The following VCL variants were observed in gnomAD, a reference collection of about 807,000 sequenced individuals.
The protein encoded by VCL is epididymis luminal protein 114.
In VCL, 47 loss-of-function variants were observed where a neutral mutation model predicts 125.7. The observed-to-expected ratio is 0.37, with a 90% CI of 0.30 to 0.48. The LOEUF is 0.48. Among genes scored for constraint, VCL ranks in the 20% least tolerant of loss-of-function variants. The probability of loss-of-function intolerance (pLI) is 0.99; values close to 1 mark genes in which losing one functional copy is unlikely to be tolerated. For missense variants in VCL, 1,069 were observed against 1,455.5 expected (o/e 0.73, Z 4.32); for synonymous variants, 458 against 514.6 (o/e 0.89, Z 1.49).
intron 2 of VCL, among the ~76,000 whole-genome samples, chr10:74,062,867 A>G (rs975291986): frequency 3.9e-5 from 6 of 152,206 alleles, no homozygotes; most frequent in African/African-American, 1.4e-4. Flanking sequence ...CAGGAGTTCG[A>G]GACCAGCCTG....
rs138018528 is a variant in VCL at position 74,114,434 on chromosome 10, T to TGTGTGTGC, written c.3153+50_3153+51insTGTGCGTG. On this transcript the variant is annotated intron_variant, in intron 20 of 21. Coordinates refer to ENST00000211998, the MANE Select transcript of VCL (RefSeq NM_014000.3). ...GTGTGTGTGTGTGTGTGTGTGTGTGTGTGCGTGTGTGTGTGTGTTGGAGGG... is the reference window on the plus strand; with the variant it reads ...GTGTGTGTGTGTGTGTGTGTGTGTGTGTGTGTGCGTGCGTGTGTGTGTGTGTTGGAGGG... 544 of 1,468,440 alleles carry TGTGTGTGC rather than the reference T, an allele frequency of 3.7e-4. 16 individuals are homozygous for TGTGTGTGC. The African/African-American group carries it at 5.1e-3, about 14-fold the overall frequency. The allele number at this position is 1,468,440 out of a possible 1,614,324, so 91.0% of individuals were successfully genotyped here.
chr10:74,097,461 C>T lies in VCL; in HGVS notation c.1872+129C>T. 1.5e-6 allele frequency: 2 copies of T among 1,375,228 alleles called. No homozygotes were observed. The highest frequency in any genetic ancestry group is 2.0e-6 in the Non-Finnish European group (2 of 986,794). The allele number at this position is 1,375,228 out of a possible 1,614,324, so 85.2% of individuals were successfully genotyped here. ...GTAGATGAAGGGTGGAAGAGCAGAA[C>T]AGGGAAAGCCCTACCACCTCTACTT... is the stretch of plus-strand genomic sequence containing the variant. On this transcript the variant is annotated intron_variant, in intron 13 of 21. Coordinates refer to ENST00000211998, the MANE Select transcript of VCL (RefSeq NM_014000.3). The surrounding 1 kb of genome is among the most constrained non-coding windows in gnomAD (Gnocchi z 4.1).
chr10:74,072,387 C>T (rs1212133768), intron 4 of VCL, among the ~76,000 whole-genome samples: 2 of 152,058 alleles, frequency 1.3e-5, no homozygotes, highest in Non-Finnish European at 2.9e-5. Flanking sequence ...AGAGACATGG[C>T]ATGAAACCTG....
Position 74,105,223 on chromosome 10 carries a change from G to C in VCL, c.2304G>C (p.Lys768Asn), listed in dbSNP as rs1342992549. Residue 768 changes from lysine to asparagine, a missense_variant, in exon 16 of 22, where the codon AAG becomes AAC. Physicochemically the swap from Lys to Asn is moderately conservative, Grantham distance 94. This residue lies in a region of VCL where 760 missense variants were observed against 928.9 expected (regional missense o/e 0.82). Transcript: ENST00000211998. ...RRANRILLVA[K>N]REVENSEDPK... ...CCAACCGGATCCTGCTGGTGGCTAA[G>C]AGGGAGGTGGAGAATTCCGAGGATC... 6.2e-7 allele frequency: 1 copy of C among 1,614,084 alleles called. No individual in the cohort carries two copies. Among genetic ancestry groups the C allele is most frequent in the Non-Finnish European group, 8.5e-7 (1 of 1,180,044 alleles).
intron 1 of VCL, among the ~76,000 whole-genome samples, chr10:74,037,974 T>G (rs541215358): frequency 6.6e-6 from 1 of 150,780 alleles, no homozygotes; most frequent in African/African-American, 2.4e-5. Context: ...TGGCCACATT[T>G]CTTTGTTTCT....
intron 6 of VCL, among the ~76,000 whole-genome samples, chr10:74,080,672 GT>G (rs35830669): frequency 0.18 from 27,581 of 152,046 alleles, 3,530 homozygotes; most frequent in East Asian, 0.53. Context: ...TAGGAAAATG[GT>G]TTAACAGGTT....
At chr10:74,049,825 A>T (rs572959342) in intron 2 of VCL, among the ~76,000 whole-genome samples, 1 of 152,240 alleles carries the variant, frequency 6.6e-6, no homozygotes, top group African/African-American at 2.4e-5. Flanking sequence ...GTAGGTGCTA[A>T]TGTTGTAACA....
rs768613265 is a variant in VCL at position 74,105,125 on chromosome 10, A to G, written c.2206A>G (p.Lys736Glu). 9 of 1,614,236 alleles carry G rather than the reference A, an allele frequency of 5.6e-6. No individual in the cohort carries two copies. Among genetic ancestry groups the G allele is most frequent in the Non-Finnish European group, 7.6e-6 (9 of 1,180,034 alleles). ...AGAAGCAATTAAAAAAGACCTGGAC[A>G]AGTGCAAGGTAGCTATGGCCAACAT... ...SEEAIKKDLD[K>E]CKVAMANIQP... is the part of the protein sequence containing the mutation. The change falls in exon 16 of 22, where the codon AAG (lysine) becomes GAG (glutamate). Residue 736 changes from lysine to glutamate, a missense_variant. By Grantham distance (56) the Lys-to-Glu change is moderately conservative (BLOSUM62 1). Around this residue, in one of 6 missense-constraint regions of VCL, gnomAD observed 760 missense variants for 928.9 expected, o/e 0.82. Transcript: ENST00000211998.
intron 1 of VCL, among the ~76,000 whole-genome samples, chr10:74,032,354 A>G (rs1840893722): frequency 6.6e-6 from 1 of 152,108 alleles, no homozygotes; most frequent in African/African-American, 2.4e-5. Context: ...AGAAAGGGAA[A>G]GACAACCCAC....
chr10:74,114,698 C>T, intron 20 of VCL, 97 bp from the exon 21 acceptor site: 1 of 1,327,246 alleles, frequency 7.5e-7, no homozygotes, highest in Non-Finnish European at 1.1e-6. Flanking sequence ...CTTTTCTGTG[C>T]CAGCCACTGG....
At chr10:74,081,037 A>AT in intron 6 of VCL, among the ~76,000 whole-genome samples, 1 of 152,364 alleles carries the variant, frequency 6.6e-6, no homozygotes, top group South Asian at 2.1e-4. Flanking sequence ...TTACAAGTGG[A>AT]TTTTGAAATA....
chr10:74,084,089 A>G (rs980264716), intron 8 of VCL, among the ~76,000 whole-genome samples: 1 of 151,154 alleles, frequency 6.6e-6, no homozygotes, highest in African/African-American at 2.4e-5. Flanking sequence ...CTGGTCTTGA[A>G]CTCCTGACCT....
intron 1 of VCL, among the ~76,000 whole-genome samples, chr10:74,014,085 C>T (rs1474454601): frequency 2.0e-5 from 3 of 152,056 alleles, no homozygotes; most frequent in Non-Finnish European, 4.4e-5. Flanking sequence ...AGATAGACAT[C>T]TAAATTTTTA....
chr10:74,118,468 A>C lies in VCL; in HGVS notation c.*299A>C, dbSNP rs79597107. Reference sequence around the variant, plus strand: ...GGACTTCACATAAGCTCAGAATCCAAGTGAACACTAGCCAGACACTCTGCT... The same window carrying C: ...GGACTTCACATAAGCTCAGAATCCACGTGAACACTAGCCAGACACTCTGCT... On this transcript the variant is annotated 3_prime_UTR_variant, in exon 22 of 22. Transcript: ENST00000211998. 15 of 422,872 alleles carry C rather than the reference A, an allele frequency of 3.5e-5. No homozygotes were observed. The highest frequency in any genetic ancestry group is 2.8e-4 in the African/African-American group (14 of 49,378). The allele number at this position is 422,872 out of a possible 1,614,324, so 26.2% of individuals were successfully genotyped here.
intron 2 of VCL, among the ~76,000 whole-genome samples, chr10:74,046,374 C>A (rs986953210): frequency 3.3e-5 from 5 of 152,222 alleles, no homozygotes; most frequent in Admixed American, 6.5e-5. Context: ...CACCCCGAGT[C>A]GCTGGGACTA....
At chr10:74,016,474 G>A (rs1408566003) in intron 1 of VCL, among the ~76,000 whole-genome samples, 1 of 152,058 alleles carries the variant, frequency 6.6e-6, no homozygotes, top group African/African-American at 2.4e-5. Context: ...AACTAGGCAT[G>A]GTGGTGTATG....
chr10:74,090,644 T>C (rs943520018), intron 10 of VCL, among the ~76,000 whole-genome samples: 3 of 152,122 alleles, frequency 2.0e-5, no homozygotes, highest in Non-Finnish European at 4.4e-5. Context: ...CCAGCAATGA[T>C]ATTTTGTAAG....
chr10:74,095,216 AATT>A (rs1472604109), intron 11 of VCL, among the ~76,000 whole-genome samples: 1 of 152,228 alleles, frequency 6.6e-6, no homozygotes, highest in East Asian at 1.9e-4. Flanking sequence ...CTTGTGAAAT[AATT>A]ATTGTTAATA....
intron 14 of VCL, 35 bp downstream of exon 14, chr10:74,101,132 T>C (rs1017271408): frequency 6.2e-7 from 1 of 1,603,306 alleles, no homozygotes; most frequent in South Asian, 1.1e-5. Context: ...CAGTGTTCAG[T>C]AAAGAAAGTT....
Sources: gnomAD v4.1 joint callset for allele counts (sites outside exome capture counted in the v4.1 genomes callset) on GRCh38, gnomAD v4.1.1 for gene constraint, gnomAD v4.1.1 regional missense constraint, Gnocchi (gnomAD v3.1) non-coding constraint, MANE v1.5 for transcripts, NCBI Gene and HGNC (gene_info 2026-07-23, HGNC 2026-07-21) for gene names.